The following AUH variants were observed in gnomAD, a reference collection of about 807,000 sequenced individuals.
AUH encodes AU RNA binding methylglutaconyl-CoA hydratase.
In AUH, 29 loss-of-function variants were observed where a neutral mutation model predicts 42.3. The observed-to-expected ratio is 0.69, with a 90% CI of 0.51 to 0.93. The LOEUF is 0.93. Ranked by LOEUF, AUH falls within the 40% of genes least tolerant of loss-of-function variation. The pLI is 0.00. For missense variants in AUH, 452 were observed against 438.1 expected (o/e 1.03, Z -0.28); for synonymous variants, 174 against 166.4 (o/e 1.05, Z -0.35).
At chr9:91,339,617 T>C (rs1830954700) in intron 3 of AUH, among the ~76,000 whole-genome samples, 1 of 152,196 alleles carries the variant, frequency 6.6e-6, no homozygotes, top group South Asian at 2.1e-4. Context: ...CTTAGGTCTG[T>C]CTTGAGAAGC....
At chr9:91,352,122 A>G (rs1041452074) in intron 3 of AUH, among the ~76,000 whole-genome samples, 2 of 152,072 alleles carry the variant, frequency 1.3e-5, no homozygotes, top group Non-Finnish European at 2.9e-5. Context: ...CTAAAATTAC[A>G]AAATTTAGCT....
At chr9:91,217,173 A>C (rs1826868041) in intron 8 of AUH, 104 bp downstream of exon 8, 3 of 1,221,848 alleles carry the variant, frequency 2.5e-6, no homozygotes, top group Non-Finnish European at 3.5e-6. Context: ...TTAAACAACC[A>C]TATTTTAGAA....
At chr9:91,306,816 T>C (rs1564084731) in intron 4 of AUH, among the ~76,000 whole-genome samples, 1 of 152,184 alleles carries the variant, frequency 6.6e-6, no homozygotes, top group Non-Finnish European at 1.5e-5. Context: ...CATAACTTGA[T>C]CCATAAACGT....
At chr9:91,288,403 G>T (rs1426071741) in intron 6 of AUH, among the ~76,000 whole-genome samples, 1 of 152,116 alleles carries the variant, frequency 6.6e-6, no homozygotes, top group Non-Finnish European at 1.5e-5. Flanking sequence ...AGTTGGGAGA[G>T]GATAGGAAAT....
At chr9:91,335,101 C>T (rs1000923051) in intron 3 of AUH, among the ~76,000 whole-genome samples, 3 of 152,274 alleles carry the variant, frequency 2.0e-5, no homozygotes, top group Non-Finnish European at 2.9e-5. Flanking sequence ...CTGGAAAAGA[C>T]TCTCTTTTTC....
intron 3 of AUH, among the ~76,000 whole-genome samples, chr9:91,327,248 C>T (rs572247560): frequency 6.6e-6 from 1 of 152,320 alleles, no homozygotes; most frequent in East Asian, 1.9e-4. Flanking sequence ...AATTCCCCAG[C>T]AGACAGGGAT....
chr9:91,266,844 GAACATA>G (rs1317130899), intron 6 of AUH, among the ~76,000 whole-genome samples: 1 of 152,100 alleles, frequency 6.6e-6, no homozygotes, highest in Non-Finnish European at 1.5e-5. Flanking sequence ...ATGTATAGTT[GAACATA>G]AACATATATT....
At chr9:91,323,594 G>A (rs1229904981) in intron 4 of AUH, among the ~76,000 whole-genome samples, 1 of 151,150 alleles carries the variant, frequency 6.6e-6, no homozygotes, top group African/African-American at 2.4e-5. Flanking sequence ...CTGCACTCCA[G>A]CCTGGTGATA....
chr9:91,296,088 A>C lies in AUH; in HGVS notation c.599-11T>G. 6.2e-7 allele frequency: 1 copy of C among 1,613,760 alleles called. No individual in the cohort carries two copies. The highest frequency in any genetic ancestry group is 8.5e-7 in the Non-Finnish European group (1 of 1,179,752). On this transcript the variant is annotated splice_polypyrimidine_tract_variant and intron_variant, in intron 5 of 9. Transcript: ENST00000375731. ...TTTTTGCAGAGGAAGCTAAAACGAA[A>C]GAAAGAAAATTAAGTATCATCCATA...
intron 6 of AUH, among the ~76,000 whole-genome samples, chr9:91,275,413 G>A (rs562304333): frequency 1.7e-4 from 26 of 152,258 alleles, no homozygotes; most frequent in Admixed American, 1.2e-3. Flanking sequence ...TTGGACCTGT[G>A]AAAAATTAAT....
chr9:91,272,045 G>T (rs1825180129), intron 6 of AUH, among the ~76,000 whole-genome samples: 2 of 152,164 alleles, frequency 1.3e-5, no homozygotes, highest in South Asian at 4.1e-4. Flanking sequence ...AAGCATGTGA[G>T]TATCAGGCAT....
intron 3 of AUH, among the ~76,000 whole-genome samples, chr9:91,352,427 T>A (rs1481742398): frequency 6.6e-6 from 1 of 151,958 alleles, no homozygotes; most frequent in Non-Finnish European, 1.5e-5. Context: ...TAATAATTAT[T>A]TATATTAGGG....
chr9:91,245,102 G>GA (rs1828722095), intron 6 of AUH, among the ~76,000 whole-genome samples: 1 of 152,092 alleles, frequency 6.6e-6, no homozygotes, highest in African/African-American at 2.4e-5. Context: ...AGGTGGGGAG[G>GA]AAAAAAGCAA....
At chr9:91,246,712 CA>C (rs1828815100) in intron 6 of AUH, among the ~76,000 whole-genome samples, 1 of 152,198 alleles carries the variant, frequency 6.6e-6, no homozygotes, top group African/African-American at 2.4e-5. Flanking sequence ...GGTATATGCA[CA>C]CAATGAAGTT....
In AUH at chr9:91,361,641, C is replaced by T. The variant is rs760558301; in HGVS notation, c.249G>A (p.Glu83=). Residue 83 remains glutamate (E), a synonymous_variant, in exon 1 of 10, where the codon GAG becomes GAA. Transcript: ENST00000375731. Reference sequence around the variant, plus strand: ...TTCGCACCTCACCTCGGTTCTCCTCCTCCAGGTGCCGCACCCGCAGCTCGT... The same window carrying T: ...TTCGCACCTCACCTCGGTTCTCCTCTTCCAGGTGCCGCACCCGCAGCTCGT... ...TEDELRVRHL[E]EENRGIVVLG... The T allele has an allele frequency of 6.3e-7, 1 of 1,583,658 alleles. No homozygotes were observed. The highest frequency in any genetic ancestry group is 1.2e-5 in the South Asian group (1 of 86,574).
At chr9:91,249,292 CAAAAAAAAAAAAAAAAA>C (rs59102669) in intron 6 of AUH, among the ~76,000 whole-genome samples, 6 of 32,534 alleles carry the variant, frequency 1.8e-4, no homozygotes, top group South Asian at 1.7e-3. Context: ...GAACCTGTCT[CAAAAAAAAAAAAAAAAA>C]AAAAAAAAAA....
rs752149463 is a variant in AUH at position 91,356,156 on chromosome 9, CTAGT to C, written c.263-5_263-2del. On this transcript the variant is annotated splice_acceptor_variant and splice_polypyrimidine_tract_variant and intron_variant, in intron 1 of 9. Transcript: ENST00000375731. LOFTEE classifies it high-confidence loss of function. ...CTGTTTATTCCAAGCACCACAATTC[CTAGT>C]TAAAGGGGAAAAAAAGTACAAGCAC... The C allele has an allele frequency of 1.9e-5, 30 of 1,613,066 alleles. No homozygotes were observed. Among genetic ancestry groups the C allele is most frequent in the Middle Eastern group, 1.6e-4 (1 of 6,072 alleles).
At chr9:91,221,405 T>C (rs1012767812) in intron 6 of AUH, among the ~76,000 whole-genome samples, 12 of 152,212 alleles carry the variant, frequency 7.9e-5, no homozygotes, top group African/African-American at 2.7e-4. Flanking sequence ...TCTTAACACA[T>C]TGTGAGACAT....
chr9:91,235,497 T>A (rs1340928055), intron 6 of AUH, among the ~76,000 whole-genome samples: 4 of 152,152 alleles, frequency 2.6e-5, no homozygotes, highest in African/African-American at 9.7e-5. Context: ...CTTTTACACA[T>A]AAGAGTGGAG....
Sources: allele counts gnomAD v4.1 joint callset (sites outside exome capture counted in the v4.1 genomes callset), GRCh38; gene constraint gnomAD v4.1.1; transcripts MANE v1.5; gene names NCBI Gene and HGNC (gene_info 2026-07-23, HGNC 2026-07-21).